Variants in HECTD2 observed in about 807,000 individuals in gnomAD.
The protein encoded by HECTD2 is HECT domain E3 ubiquitin protein ligase 2.
A neutral mutation model predicts 103.2 loss-of-function variants in HECTD2; 35 were observed. That is an observed-to-expected ratio of 0.34 (90% confidence interval 0.26 to 0.45). HECTD2 has a LOEUF of 0.45. Among genes scored for constraint, HECTD2 ranks in the 20% least tolerant of loss-of-function variants. The probability of loss-of-function intolerance (pLI) is 1.00; values close to 1 mark genes in which losing one functional copy is unlikely to be tolerated. For synonymous variants in HECTD2, 281 were observed against 329.9 expected, an observed-to-expected ratio of 0.85 and a Z score of 1.61; for missense variants, 596 against 937.4, an observed-to-expected ratio of 0.64 and a Z score of 4.76.
At chr10:91,410,787 C>G (rs1842888746) in intron 1 of HECTD2, among the ~76,000 whole-genome samples, 1 of 152,166 alleles carries the variant, frequency 6.6e-6, no homozygotes, top group Admixed American at 6.5e-5. Flanking sequence ...ACCTACCACC[C>G]TCGGGAAATG....
chr10:91,460,343 T>TAA (rs1258926038), intron 2 of HECTD2, 84 bp from the exon 3 acceptor site: 79 of 1,122,018 alleles, frequency 7.0e-5, no homozygotes, highest in Non-Finnish European at 9.3e-5. Context: ...ATTTGTTTTC[T>TAA]GTTCATGTTG....
chr10:91,506,541 CT>C (rs1169811728), intron 20 of HECTD2, among the ~76,000 whole-genome samples: 1 of 152,090 alleles, frequency 6.6e-6, no homozygotes, highest in Non-Finnish European at 1.5e-5. Context: ...GGATAAATTC[CT>C]TGATACATAC....
intron 2 of HECTD2, among the ~76,000 whole-genome samples, chr10:91,441,589 G>GA (rs1844387828): frequency 1.2e-4 from 2 of 16,712 alleles, no homozygotes; most frequent in South Asian, 3.3e-3. Context: ...GGTCTGCTTG[G>GA]TCCAGAGTTG....
At chr10:91,433,238 CTT>C (rs1843969166) in intron 2 of HECTD2, among the ~76,000 whole-genome samples, 1 of 151,846 alleles carries the variant, frequency 6.6e-6, no homozygotes. Flanking sequence ...TTAAAGATAA[CTT>C]TTTATTGAAT....
At chr10:91,479,793 C>T (rs1056583204) in intron 6 of HECTD2, among the ~76,000 whole-genome samples, 2 of 152,156 alleles carry the variant, frequency 1.3e-5, no homozygotes, top group African/African-American at 2.4e-5. Flanking sequence ...CAGCAGAGGG[C>T]CTGAGACTTC....
At chr10:91,480,392 C>T (rs913372374) in intron 6 of HECTD2, among the ~76,000 whole-genome samples, 1 of 152,004 alleles carries the variant, frequency 6.6e-6, no homozygotes, top group Admixed American at 6.5e-5. Flanking sequence ...GCTTTAATAT[C>T]TGGGTTTTGT....
Position 91,498,967 on chromosome 10 carries a change from A to G in HECTD2, c.1843+8A>G, listed in dbSNP as rs1263616857. 2 of 1,572,218 alleles carry G rather than the reference A, an allele frequency of 1.3e-6. No homozygotes were observed. The highest frequency in any genetic ancestry group is 2.2e-5 in the South Asian group (2 of 89,338). On this transcript the variant is annotated splice_region_variant and intron_variant, in intron 17 of 20. Transcript: ENST00000298068. ...CCAATCAAAATAGAAAAGGTAAGTTAATACCCTTTTTAATTAAAATGAATT... is the reference window on the plus strand; with the variant it reads ...CCAATCAAAATAGAAAAGGTAAGTTGATACCCTTTTTAATTAAAATGAATT...
At chr10:91,457,846 T>C (rs1845172491) in intron 2 of HECTD2, among the ~76,000 whole-genome samples, 1 of 151,940 alleles carries the variant, frequency 6.6e-6, no homozygotes, top group Non-Finnish European at 1.5e-5. Context: ...GGCTAAAGAC[T>C]TAGTGCTTTC....
intron 2 of HECTD2, among the ~76,000 whole-genome samples, chr10:91,427,509 C>G (rs1843620308): frequency 6.6e-6 from 1 of 152,110 alleles, no homozygotes; most frequent in African/African-American, 2.4e-5. Flanking sequence ...CTCTCCAGCA[C>G]CTGTTGTTTC....
chr10:91,469,572 C>T (rs1297192667), intron 5 of HECTD2, among the ~76,000 whole-genome samples: 1 of 152,160 alleles, frequency 6.6e-6, no homozygotes, highest in Non-Finnish European at 1.5e-5. Flanking sequence ...TTCGTTACCA[C>T]CAAACCTGCC....
intron 2 of HECTD2, among the ~76,000 whole-genome samples, chr10:91,458,022 CAAA>C (rs780908138): frequency 1.5e-4 from 10 of 66,520 alleles, no homozygotes; most frequent in South Asian, 4.9e-4. Context: ...ATTGTCTATG[CAAA>C]AAAAAAAAAA....
intron 20 of HECTD2, among the ~76,000 whole-genome samples, chr10:91,510,376 T>C (rs907894688): frequency 6.6e-6 from 1 of 152,194 alleles, no homozygotes; most frequent in Non-Finnish European, 1.5e-5. Context: ...TTAAAAGATA[T>C]ACATAATTTG....
At chr10:91,485,087 G>C in intron 9 of HECTD2, 93 bp from the exon 10 acceptor site, 1 of 816,838 alleles carries the variant, frequency 1.2e-6, no homozygotes, top group Non-Finnish European at 1.8e-6. Flanking sequence ...CTAGGTCAAG[G>C]CTGTCTTGTA....
chr10:91,498,684 T>A (rs1846776221), intron 16 of HECTD2, among the ~76,000 whole-genome samples, 188 bp from the exon 17 acceptor site: 2 of 152,198 alleles, frequency 1.3e-5, no homozygotes, highest in South Asian at 4.1e-4. Context: ...AAGGCACTAT[T>A]TTTTAACTCC....
chr10:91,508,287 T>C (rs1654054653), intron 20 of HECTD2, among the ~76,000 whole-genome samples: 1 of 137,762 alleles, frequency 7.3e-6, no homozygotes, highest in South Asian at 2.4e-4. Context: ...CTAATTAAAC[T>C]AAAGAGCTTC....
intron 16 of HECTD2, among the ~76,000 whole-genome samples, 169 bp downstream of exon 16, chr10:91,498,351 C>G (rs1393581365): frequency 6.6e-6 from 1 of 151,694 alleles, no homozygotes; most frequent in Non-Finnish European, 1.5e-5. Flanking sequence ...TGTAGATGAG[C>G]AGTCAATGAA....
intron 20 of HECTD2, among the ~76,000 whole-genome samples, chr10:91,508,700 G>A (rs1847296157): frequency 6.7e-6 from 1 of 148,216 alleles, no homozygotes; most frequent in Non-Finnish European, 1.5e-5. Context: ...TTCAACCATT[G>A]TGGAGGTCAG....
Position 91,483,076 on chromosome 10 carries a change from A to C in HECTD2, c.821A>C (p.Lys274Thr). 7.1e-7 allele frequency: 1 copy of C among 1,416,928 alleles called. No homozygotes were observed. The highest frequency in any genetic ancestry group is 9.9e-7 in the Non-Finnish European group (1 of 1,008,984). 87.8% of individuals were successfully genotyped at this position (1,416,928 alleles called of 1,614,324 possible). Residue 274 changes from lysine (K) to threonine (T), a missense_variant and splice_region_variant, in exon 8 of 21, where the codon AAA (lysine) becomes ACA (threonine). By Grantham distance (78) the Lys-to-Thr change is moderately conservative. Coordinates refer to ENST00000298068, the MANE Select transcript of HECTD2 (RefSeq NM_182765.6). ...DHHFLVHWFK[K>T]LSQKRFKQLV... ...CATTTCCTAGTTCACTGGTTTAAAA[A>C]GTAAATCATTCTATGATATTAAGAA...
chr10:91,466,052 C>T (rs1845521505), intron 5 of HECTD2, among the ~76,000 whole-genome samples: 1 of 152,068 alleles, frequency 6.6e-6, no homozygotes, highest in South Asian at 2.1e-4. Context: ...CCATTAAAGC[C>T]ATCTGGGCCT....
Sources: allele counts gnomAD v4.1 joint callset (sites outside exome capture counted in the v4.1 genomes callset), GRCh38; gene constraint gnomAD v4.1.1; transcripts MANE v1.5; gene names NCBI Gene and HGNC (gene_info 2026-07-23, HGNC 2026-07-21).